XPOT: variants seen among roughly 807,000 people sequenced by gnomAD.
XPOT encodes exportin-T.
A neutral mutation model predicts 128.2 loss-of-function variants in XPOT; 34 were observed. The observed-to-expected ratio is 0.27, with a 90% CI of 0.20 to 0.35. The LOEUF (loss-of-function observed/expected upper bound fraction) is 0.35, where lower values mean the gene tolerates loss of function less well. Ranked by LOEUF, XPOT falls within the 10% of genes least tolerant of loss-of-function variation. The pLI, the probability that XPOT is intolerant of heterozygous loss-of-function variation, is 1.00. For synonymous variants in XPOT, 348 were observed against 394.3 expected, an observed-to-expected ratio of 0.88 and a Z score of 1.39; for missense variants, 838 against 1,125.3, an observed-to-expected ratio of 0.74 and a Z score of 3.65.
intron 15 of XPOT, among the ~76,000 whole-genome samples, chr12:64,426,472 T>A (rs752721324): frequency 6.6e-6 from 1 of 152,014 alleles, no homozygotes; most frequent in African/African-American, 2.4e-5. Context: ...TTCTCACTTA[T>A]AAGTGAGAGC....
chr12:64,444,554 TAA>T (rs1406118729), intron 23 of XPOT, among the ~76,000 whole-genome samples: 1 of 152,182 alleles, frequency 6.6e-6, no homozygotes, highest in Admixed American at 6.5e-5. Context: ...AGGCAGTTAT[TAA>T]AAGACAATGC....
intron 4 of XPOT, 36 bp downstream of exon 4, chr12:64,416,790 G>A (rs377617118): frequency 1.4e-5 from 21 of 1,540,410 alleles, no homozygotes; most frequent in East Asian, 6.7e-5. Context: ...TCAGATTTGC[G>A]GGGAGAGGTC....
chr12:64,430,786 C>T (rs1485372299), intron 17 of XPOT, among the ~76,000 whole-genome samples: 1 of 152,030 alleles, frequency 6.6e-6, no homozygotes, highest in Non-Finnish European at 1.5e-5. Flanking sequence ...AGAACAAGAG[C>T]TAGATATTAG....
chr12:64,407,483 C>CAA (rs534365929), intron 1 of XPOT, among the ~76,000 whole-genome samples: 1,275 of 104,344 alleles, frequency 0.012, 22 homozygotes, highest in African/African-American at 0.038. Context: ...GAGACTGTCT[C>CAA]AAAAAAAAAA....
At chr12:64,415,601 G>A (rs898609032) in intron 3 of XPOT, among the ~76,000 whole-genome samples, 1 of 151,948 alleles carries the variant, frequency 6.6e-6, no homozygotes, top group African/African-American at 2.4e-5. Flanking sequence ...GGATGGTCTC[G>A]ATCTCCTGAC....
chr12:64,424,943 A>G, intron 12 of XPOT, 95 bp from the exon 13 acceptor site: 1 of 1,463,790 alleles, frequency 6.8e-7, no homozygotes, highest in African/African-American at 1.4e-5. Context: ...ACTTTTTAAT[A>G]ATTAAAAAGG....
chr12:64,405,437 A>T (rs2039970702), intron 1 of XPOT: 1 of 152,234 alleles, frequency 6.6e-6, no homozygotes, highest in African/African-American at 2.4e-5. Flanking sequence ...AAGGCTGGAA[A>T]GATTCAGTCG....
intron 22 of XPOT, among the ~76,000 whole-genome samples, chr12:64,436,605 G>T (rs900555936): frequency 1.3e-5 from 2 of 151,238 alleles, no homozygotes; most frequent in African/African-American, 4.9e-5. Context: ...TTTTGTGGTA[G>T]GTTCTCCCTG....
intron 23 of XPOT, 96 bp from the exon 24 acceptor site, chr12:64,444,979 A>G: frequency 9.8e-7 from 1 of 1,024,988 alleles, no homozygotes; most frequent in East Asian, 2.8e-5. Flanking sequence ...TCTTAAAAAA[A>G]AAAAAAAAAT....
intron 4 of XPOT, 106 bp downstream of exon 4, chr12:64,416,860 C>A: frequency 9.9e-7 from 1 of 1,010,818 alleles, no homozygotes; most frequent in South Asian, 1.4e-5. Context: ...TGTAAATTCA[C>A]AGTGTATATG....
chr12:64,421,518 G>A (rs766783897), intron 9 of XPOT, 47 bp downstream of exon 9: 2 of 1,318,608 alleles, frequency 1.5e-6, no homozygotes, highest in Non-Finnish European at 2.2e-6. Context: ...ATACAAAGGA[G>A]CCATGGAGAA....
chr12:64,424,807 T>C, intron 12 of XPOT, 84 bp downstream of exon 12: 2 of 1,518,362 alleles, frequency 1.3e-6, no homozygotes, highest in Non-Finnish European at 1.8e-6. Flanking sequence ...TCATATGACT[T>C]ATTAATCCAT....
chr12:64,427,380 C>A (rs2136025955), intron 15 of XPOT, among the ~76,000 whole-genome samples: 1 of 152,246 alleles, frequency 6.6e-6, no homozygotes, highest in African/African-American at 2.4e-5. Context: ...TTCAGCCTCC[C>A]AAAGTGCTGG....
chr12:64,430,520 T>TC, intron 17 of XPOT, among the ~76,000 whole-genome samples: 1 of 151,366 alleles, frequency 6.6e-6, no homozygotes, highest in African/African-American at 2.4e-5. Flanking sequence ...ACTTCTCTGA[T>TC]ATAAATGGGT....
At chr12:64,420,689 CTTGGAG>C (rs989253916) in intron 8 of XPOT, among the ~76,000 whole-genome samples, 168 bp downstream of exon 8, 14 of 152,314 alleles carry the variant, frequency 9.2e-5, no homozygotes, top group Middle Eastern at 3.4e-3. Context: ...TAGCATTCTC[CTTGGAG>C]AATGGGTTAT....
At chr12:64,406,130 C>T (rs1254344977) in intron 1 of XPOT, among the ~76,000 whole-genome samples, 2 of 152,204 alleles carry the variant, frequency 1.3e-5, no homozygotes, top group Non-Finnish European at 2.9e-5. Flanking sequence ...GGCGGGAGTG[C>T]AATGACACGA....
Position 64,448,005 on chromosome 12 carries a change from C to T in XPOT, c.2863-100C>T. 2.8e-6 allele frequency: 3 copies of T among 1,077,736 alleles called. No individual in the cohort carries two copies. In the Admixed American group the frequency reaches 5.2e-5, roughly 19 times the overall value. The allele number at this position is 1,077,736 out of a possible 1,614,324, so 66.8% of individuals were successfully genotyped here. A position where few individuals can be genotyped will look rare whatever the true frequency, so the allele number is the denominator to read the frequency against. On this transcript the variant is annotated intron_variant, in intron 24 of 24. Coordinates refer to ENST00000332707, the MANE Select transcript of XPOT (RefSeq NM_007235.6). ...AGGCATGCGAAATGTTCTAATGTTA[C>T]AGAAGAACATTGCTAGCACTCAGAT... is the stretch of plus-strand genomic sequence containing the variant.
At chr12:64,420,963 G>A (rs965854438) in intron 8 of XPOT, among the ~76,000 whole-genome samples, 3 of 152,094 alleles carry the variant, frequency 2.0e-5, no homozygotes, top group African/African-American at 7.2e-5. Flanking sequence ...ACTACACCCG[G>A]CAAATTTTTT....
In XPOT at chr12:64,448,937, G is replaced by A. The variant is rs899986435; in HGVS notation, c.*806G>A. The A allele has an allele frequency of 1.3e-5, 2 of 152,142 alleles. No homozygotes were observed. Among genetic ancestry groups the A allele is most frequent in the South Asian group, 4.1e-4 (2 of 4,832 alleles). 9.4% of individuals were successfully genotyped at this position (152,142 alleles called of 1,614,324 possible). On this transcript the variant is annotated 3_prime_UTR_variant, in exon 25 of 25. Transcript: ENST00000332707. ...TTCCAGGCCGGGCGTGGTGGCTCAC[G>A]ACTGTAATCCCAGAACTTTGGGAGG... is the stretch of plus-strand genomic sequence containing the variant.
Sources: allele counts gnomAD v4.1 joint callset (sites outside exome capture counted in the v4.1 genomes callset), GRCh38; gene constraint gnomAD v4.1.1; transcripts MANE v1.5; gene names NCBI Gene and HGNC (gene_info 2026-07-23, HGNC 2026-07-21).